The following ZMYM6 variants were observed in gnomAD, a reference collection of about 807,000 sequenced individuals.
ZMYM6 encodes the protein zinc finger MYM-type protein 6.
In ZMYM6, 90 loss-of-function variants were observed where a neutral mutation model predicts 134.0. The observed-to-expected ratio is 0.67, with a 90% confidence interval of 0.57 to 0.80. The LOEUF (loss-of-function observed/expected upper bound fraction) is 0.80, where lower values mean the gene tolerates loss of function less well. Among genes scored for constraint, ZMYM6 ranks in the 30% least tolerant of loss-of-function variants. ZMYM6 has a pLI of 0.00. For synonymous variants in ZMYM6, 481 were observed against 524.1 expected (o/e 0.92, Z 1.12); for missense variants, 1,362 against 1,533.9 (o/e 0.89, Z 1.87).
At chr1:35,030,952 G>GT (rs1170916122) in intron 1 of ZMYM6, among the ~76,000 whole-genome samples, 3 of 152,134 alleles carry the variant, frequency 2.0e-5, no homozygotes, top group African/African-American at 7.2e-5. Context: ...ACACACTCTG[G>GT]TTTTTTCCTA....
At chr1:34,988,988 C>A (rs1315848710) in intron 15 of ZMYM6, 53 bp from the exon 16 acceptor site, 1 of 1,565,788 alleles carries the variant, frequency 6.4e-7, no homozygotes. Context: ...AAGCAATGTT[C>A]TTTATGTATC....
intron 9 of ZMYM6, 49 bp downstream of exon 9, chr1:35,010,709 T>C: frequency 4.6e-6 from 7 of 1,537,870 alleles, no homozygotes; most frequent in Non-Finnish European, 5.2e-6. Flanking sequence ...CACAAAAGTG[T>C]TTCTACTGGA....
intron 14 of ZMYM6, 28 bp from the exon 15 acceptor site, chr1:34,992,415 A>G (rs2148442668): frequency 6.2e-7 from 1 of 1,604,518 alleles, no homozygotes; most frequent in Middle Eastern, 1.7e-4. Context: ...CAGAAACCAA[A>G]GAAAGATTTT....
At chr1:34,989,026 G>A in intron 15 of ZMYM6, 91 bp from the exon 16 acceptor site, 2 of 1,516,780 alleles carry the variant, frequency 1.3e-6, no homozygotes, top group South Asian at 1.4e-5. Context: ...TTCATATTTT[G>A]TTACTATTTC....
intron 4 of ZMYM6, 45 bp downstream of exon 4, chr1:35,019,308 A>T: frequency 3.7e-6 from 6 of 1,612,534 alleles, no homozygotes; most frequent in Non-Finnish European, 5.1e-6. Flanking sequence ...CAATATACAC[A>T]CTAAAAAAAA....
intron 2 of ZMYM6, among the ~76,000 whole-genome samples, chr1:35,027,196 G>C (rs891612015): frequency 6.6e-6 from 1 of 152,174 alleles, no homozygotes; most frequent in African/African-American, 2.4e-5. Flanking sequence ...ACTGCAAATA[G>C]CTGGCAGCAG....
At position 35,020,483 on chromosome 1, in the gene ZMYM6, GAAAA is replaced by G. The variant is rs768168170; in HGVS notation, c.94-20_94-17del. On this transcript the variant is annotated splice_polypyrimidine_tract_variant and intron_variant, in intron 2 of 15. Transcript: ENST00000357182. ...ATCCATACTCCTTTAAAAAAAAAAAGAAAAGAGAAAAGAGCAATGAATACAATGT... is the reference window on the plus strand; with the variant it reads ...ATCCATACTCCTTTAAAAAAAAAAAGGAGAAAAGAGCAATGAATACAATGT... 3 of 1,437,074 alleles carry G rather than the reference GAAAA, an allele frequency of 2.1e-6. No individual in the cohort carries two copies. Among genetic ancestry groups the G allele is most frequent in the Non-Finnish European group, 2.8e-6 (3 of 1,080,046 alleles). 89.0% of individuals were successfully genotyped at this position (1,437,074 alleles called of 1,614,324 possible). A position where few individuals can be genotyped will look rare whatever the true frequency, so the allele number is the denominator to read the frequency against.
intron 14 of ZMYM6, among the ~76,000 whole-genome samples, chr1:34,998,334 C>T (rs1205946137): frequency 1.3e-5 from 2 of 152,252 alleles, no homozygotes; most frequent in Admixed American, 6.5e-5. Flanking sequence ...TCTGTCTATT[C>T]GTGCACCAGT....
intron 2 of ZMYM6, among the ~76,000 whole-genome samples, chr1:35,022,310 G>A (rs1260600971): frequency 6.6e-6 from 1 of 151,972 alleles, no homozygotes; most frequent in Non-Finnish European, 1.5e-5. Flanking sequence ...TCGCTCTGTA[G>A]CCCAGGCTGG....
chr1:35,020,565 CT>C, intron 2 of ZMYM6, 98 bp from the exon 3 acceptor site: 2 of 552,096 alleles, frequency 3.6e-6, no homozygotes, highest in Non-Finnish European at 5.1e-6. Flanking sequence ...TCCTATTCAT[CT>C]CCTTTTTTTT....
intron 1 of ZMYM6, 155 bp downstream of exon 1, chr1:35,031,660 T>C (rs976669238): frequency 6.6e-6 from 1 of 152,026 alleles, no homozygotes; most frequent in African/African-American, 2.4e-5. Context: ...CTGAGAGCGG[T>C]GGACTAGCCA....
chr1:35,019,700 G>GT, intron 3 of ZMYM6, 98 bp from the exon 4 acceptor site: 8 of 1,344,532 alleles, frequency 6.0e-6, no homozygotes, highest in Non-Finnish European at 6.9e-6. Flanking sequence ...TCTGAGACAC[G>GT]GTCTCACTGT....
chr1:34,994,857 C>G (rs1640747036), intron 14 of ZMYM6, among the ~76,000 whole-genome samples: 1 of 151,070 alleles, frequency 6.6e-6, no homozygotes, highest in South Asian at 2.1e-4. Context: ...CCAAGACCCC[C>G]AGTGGTTGCC....
In ZMYM6 at chr1:35,003,180, CAAAAAAAAA is replaced by C. The variant is rs202093628; in HGVS notation, c.1992+779_1992+787del. On this transcript the variant is annotated intron_variant, in intron 14 of 15. Coordinates refer to ENST00000357182, the MANE Select transcript of ZMYM6 (RefSeq NM_007167.4). ...TGGGCAACAGAGCAAGACCCTGTCT[CAAAAAAAAA>C]AAAAAAAAAAAAAAGCATAACAGTC... Among the ~76,000 whole-genome samples the C allele has an allele frequency of 4.3e-4, 27 of 63,062 alleles. No homozygotes were observed. In the East Asian group the frequency reaches 7.0e-3, roughly 16 times the overall value. The allele number at this position is 63,062 out of a possible 152,430, so 41.4% of individuals were successfully genotyped here.
In ZMYM6 at chr1:35,019,521, G is replaced by T. The variant is rs771706214; in HGVS notation, c.260C>A (p.Ala87Asp). The T allele has an allele frequency of 1.9e-6, 3 of 1,614,022 alleles. No individual in the cohort carries two copies. In the African/African-American group the frequency reaches 4.0e-5, roughly 22 times the overall value. The change falls in exon 4 of 16, where the codon GCT becomes GAT. Residue 87 changes from alanine (A) to aspartate (D), a missense_variant. By Grantham distance (126) the Ala-to-Asp change is moderately radical. Around this residue, in one of 3 missense-constraint regions of ZMYM6, gnomAD observed 503 missense variants for 520.8 expected, o/e 0.97. Coordinates refer to ENST00000357182, the MANE Select transcript of ZMYM6 (RefSeq NM_007167.4). ...ACAACCAGAACAAAAAACCTTAATA[G>T]CAACAGCTGGAACTGAAGGAAGCAA... Reference protein sequence around the residue: ...SVLLPSVPAVAIKVFCSGCKK... With the variant: ...SVLLPSVPAVDIKVFCSGCKK...
intron 14 of ZMYM6, among the ~76,000 whole-genome samples, chr1:35,001,182 C>G (rs796158593): frequency 4.4e-4 from 66 of 151,492 alleles, no homozygotes; most frequent in African/African-American, 1.5e-3. Context: ...TCACCTTTCC[C>G]AAAAATTTAA....
At position 35,008,824 on chromosome 1, in the gene ZMYM6, AT is replaced by A; in HGVS notation, c.1592del (p.Asn531IlefsTer7). On this transcript the variant is annotated frameshift_variant, in exon 11 of 16. Coordinates refer to ENST00000357182, the MANE Select transcript of ZMYM6 (RefSeq NM_007167.4). LOFTEE classifies it high-confidence loss of function. ...CSQTSPNLVENRLEGKLEEFC... is the reference protein window; with the variant it reads ...CSQTSPNLVEXRLEGKLEEFC... ...ACTCTTCTAACTTGCCCTCCAATCG[AT>A]TTTCTACCAAATTTGGGGATGTCTG... 6.2e-7 allele frequency: 1 copy of A among 1,614,058 alleles called. No homozygotes were observed. The highest frequency in any genetic ancestry group is 8.5e-7 in the Non-Finnish European group (1 of 1,179,994).
chr1:35,012,301 T>C, intron 7 of ZMYM6, 130 bp downstream of exon 7: 1 of 895,264 alleles, frequency 1.1e-6, no homozygotes, highest in East Asian at 3.0e-5. Flanking sequence ...AAGTCAGTTA[T>C]TTAAAAGTCA....
rs377034839 is a variant in ZMYM6 at position 35,008,913 on chromosome 1, G to A, written c.1504C>T (p.Leu502Phe). 2 of 1,610,724 alleles carry A rather than the reference G, an allele frequency of 1.2e-6. No homozygotes were observed. Among genetic ancestry groups the A allele is most frequent in the Non-Finnish European group, 1.7e-6 (2 of 1,178,616 alleles). ...KPFCSEVCKFLSARDFGERWG... is the reference protein window; with the variant it reads ...KPFCSEVCKFFSARDFGERWG... ...CGTTCTCCAAAGTCACGGGCAGAGA[G>A]GAATTTGCAAACTGAGGATCAGAGG... Residue 502 changes from leucine to phenylalanine, a missense_variant, in exon 11 of 16, where the codon CTC becomes TTC. By Grantham distance (22) the Leu-to-Phe change is conservative. Around this residue, in one of 3 missense-constraint regions of ZMYM6, gnomAD observed 35 missense variants for 72.2 expected, o/e 0.48. Coordinates refer to ENST00000357182, the MANE Select transcript of ZMYM6 (RefSeq NM_007167.4).
Sources: gnomAD v4.1 joint callset for allele counts (sites outside exome capture counted in the v4.1 genomes callset) on GRCh38, gnomAD v4.1.1 for gene constraint, gnomAD v4.1.1 regional missense constraint, MANE v1.5 for transcripts, NCBI Gene and HGNC (gene_info 2026-07-23, HGNC 2026-07-21) for gene names.